The following SPATA13 variants were observed in gnomAD, a reference collection of about 807,000 sequenced individuals.
SPATA13 encodes the protein spermatogenesis associated 13, also known as spermatogenesis-associated protein 13.
SPATA13 carries 50 observed loss-of-function variants against 104.0 expected under a neutral mutation model. The observed-to-expected ratio is 0.48, with a 90% CI of 0.38 to 0.61. SPATA13 has a LOEUF of 0.61. Ranked by LOEUF, SPATA13 falls within the 20% of genes least tolerant of loss-of-function variation. SPATA13 has a pLI of 0.00. For missense variants in SPATA13, 1,524 were observed against 1,690.6 expected, an observed-to-expected ratio of 0.90 and a Z score of 1.73; for synonymous variants, 606 against 667.5, an observed-to-expected ratio of 0.91 and a Z score of 1.42.
At chr13:24,181,113 A>G (rs560051943) in intron 1 of SPATA13, among the ~76,000 whole-genome samples, 15 of 152,262 alleles carry the variant, frequency 9.9e-5, no homozygotes, top group African/African-American at 2.9e-4. Context: ...TGACTTGTCT[A>G]TGTAGGGCAC....
chr13:24,278,769 C>T lies in SPATA13; in HGVS notation c.2165-5366C>T, dbSNP rs751802139. The T allele has an allele frequency of 6.9e-6, 11 of 1,599,160 alleles. No homozygotes were observed. The South Asian group carries it at 1.1e-4, about 17-fold the overall frequency. Reference sequence around the variant, plus strand: ...AGAAACTTGACCAAGGACTCATACTCAAAAAAGAAAAATATAGAAAAGAAA... The same window carrying T: ...AGAAACTTGACCAAGGACTCATACTTAAAAAAGAAAAATATAGAAAAGAAA... On this transcript the variant is annotated intron_variant, in intron 4 of 12. Transcript: ENST00000382108.
At chr13:24,015,085 G>A (rs1876649959) in intron 2 of SPATA13, among the ~76,000 whole-genome samples, 1 of 151,706 alleles carries the variant, frequency 6.6e-6, no homozygotes, top group Admixed American at 6.6e-5. Flanking sequence ...TAGATAACAG[G>A]GTTTCACCGT....
At chr13:24,222,359 C>A (rs1033929530) in intron 1 of SPATA13, among the ~76,000 whole-genome samples, 3 of 152,192 alleles carry the variant, frequency 2.0e-5, no homozygotes, top group Non-Finnish European at 4.4e-5. Flanking sequence ...CTTATTCCTG[C>A]GTGTGCCAGC....
intron 9 of SPATA13, among the ~76,000 whole-genome samples, chr13:24,291,116 C>T (rs540628897): frequency 2.6e-5 from 4 of 152,310 alleles, no homozygotes; most frequent in African/African-American, 4.8e-5. Context: ...AAGGGCCATT[C>T]GTGAGCTGTG....
intron 3 of SPATA13, among the ~76,000 whole-genome samples, chr13:24,129,426 T>C (rs1881327960): frequency 6.6e-6 from 1 of 152,148 alleles, no homozygotes; most frequent in Non-Finnish European, 1.5e-5. Context: ...TCGTTGAGGA[T>C]GTGAGAAAAA....
At chr13:24,280,171 C>T (rs1027368072) in intron 4 of SPATA13, among the ~76,000 whole-genome samples, 5 of 152,142 alleles carry the variant, frequency 3.3e-5, no homozygotes, top group African/African-American at 7.2e-5. Context: ...ACCACGACCC[C>T]GGGTAGAGCT....
chr13:24,181,348 C>T (rs547386546), intron 1 of SPATA13, among the ~76,000 whole-genome samples: 1,880 of 152,200 alleles, frequency 0.012, 38 homozygotes, highest in African/African-American at 0.043. Context: ...AAGCTTGTTA[C>T]TTTATAAATT....
intron 3 of SPATA13, among the ~76,000 whole-genome samples, chr13:24,066,802 C>T (rs985882645): frequency 6.6e-6 from 1 of 152,120 alleles, no homozygotes; most frequent in African/African-American, 2.4e-5. Context: ...GCACAGTCAA[C>T]CTTCAAACTC....
intron 1 of SPATA13, among the ~76,000 whole-genome samples, chr13:24,212,021 A>T (rs899153970): frequency 2.0e-5 from 3 of 152,084 alleles, no homozygotes; most frequent in Non-Finnish European, 4.4e-5. Context: ...TTCCCCTACT[A>T]GTGTGTCTAC....
intron 3 of SPATA13, among the ~76,000 whole-genome samples, chr13:24,093,046 G>A (rs1015182340): frequency 2.0e-5 from 3 of 152,180 alleles, no homozygotes; most frequent in Non-Finnish European, 2.9e-5. Flanking sequence ...CAATGGGCAC[G>A]ATCACATTTT....
At chr13:24,240,764 A>G (rs1872792814) in intron 2 of SPATA13, among the ~76,000 whole-genome samples, 2 of 152,158 alleles carry the variant, frequency 1.3e-5, no homozygotes, top group South Asian at 4.1e-4. Context: ...AGTCTATAAA[A>G]CAGGTTACAT....
chr13:24,057,680 G>A (rs368368078), intron 3 of SPATA13, among the ~76,000 whole-genome samples: 7 of 149,596 alleles, frequency 4.7e-5, no homozygotes, highest in African/African-American at 1.7e-4. Context: ...TCCTGAAGAC[G>A]GGCAAGCCTG....
At chr13:24,290,000 A>T (rs1876222416) in intron 8 of SPATA13, among the ~76,000 whole-genome samples, 1 of 152,140 alleles carries the variant, frequency 6.6e-6, no homozygotes, top group Non-Finnish European at 1.5e-5. Context: ...CCCATGTGTG[A>T]CGTGGGCATA....
chr13:24,084,944 A>G (rs1251793556), intron 3 of SPATA13, among the ~76,000 whole-genome samples: 1 of 152,190 alleles, frequency 6.6e-6, no homozygotes, highest in East Asian at 1.9e-4. Context: ...TATAAGAAAC[A>G]TATCTGAGGA....
chr13:24,056,441 A>T (rs1267825564), intron 3 of SPATA13, among the ~76,000 whole-genome samples: 1 of 152,230 alleles, frequency 6.6e-6, no homozygotes, highest in Admixed American at 6.5e-5. Flanking sequence ...ATTTCCATAC[A>T]AGACATATGA....
intron 3 of SPATA13, among the ~76,000 whole-genome samples, chr13:24,129,372 G>GA (rs1232743084): frequency 1.3e-5 from 2 of 152,284 alleles, no homozygotes; most frequent in Middle Eastern, 3.4e-3. Flanking sequence ...TTTCAGGATG[G>GA]AAAAAAATTG....
intron 1 of SPATA13, among the ~76,000 whole-genome samples, chr13:23,983,246 C>T (rs929769939): frequency 2.0e-5 from 3 of 152,106 alleles, no homozygotes; most frequent in Non-Finnish European, 2.9e-5. Context: ...TTTTTTCTGA[C>T]GCCGCGCTCC....
intron 3 of SPATA13, among the ~76,000 whole-genome samples, chr13:24,141,173 CA>C (rs3075288): frequency 6.3e-4 from 88 of 139,152 alleles, no homozygotes; most frequent in African/African-American, 1.3e-3. Flanking sequence ...GACTCTGGCT[CA>C]AAAAAAAAAA....
At chr13:24,215,090 C>T (rs1871207211) in intron 1 of SPATA13, among the ~76,000 whole-genome samples, 1 of 152,180 alleles carries the variant, frequency 6.6e-6, no homozygotes. Context: ...GAACCTCCAC[C>T]TCTAACAAAG....
Sources: gnomAD v4.1 joint callset for allele counts (sites outside exome capture counted in the v4.1 genomes callset) on GRCh38, gnomAD v4.1.1 for gene constraint, MANE v1.5 for transcripts, NCBI Gene and HGNC (gene_info 2026-07-23, HGNC 2026-07-21) for gene names.